The following GALNS variants were observed in gnomAD, a reference collection of about 807,000 sequenced individuals.
GALNS encodes the protein N-acetylgalactosamine-6-sulfatase.
In GALNS, 65 loss-of-function variants were observed where a neutral mutation model predicts 65.9. That is an observed-to-expected ratio of 0.99 (90% CI 0.81 to 1.21). The LOEUF (loss-of-function observed/expected upper bound fraction) is 1.21. GALNS is among the 50% of genes most tolerant of loss of function. The pLI, the probability that GALNS is intolerant of heterozygous loss-of-function variation, is 0.00. For missense variants in GALNS, 776 were observed against 700.7 expected (o/e 1.11, Z -1.21); for synonymous variants, 346 against 288.9 (o/e 1.20, Z -2.00).
Position 88,834,514 on chromosome 16 carries a change from G to C in GALNS, c.898+699C>G, listed in dbSNP as rs550194459. Among the ~76,000 whole-genome samples, 299 of 141,366 alleles carry C rather than the reference G, an allele frequency of 2.1e-3. 7 individuals carry two copies. Among genetic ancestry groups the C allele is most frequent in the African/African-American group, 7.1e-3 (271 of 38,088 alleles). 92.7% of individuals were successfully genotyped at this position (141,366 alleles called of 152,430 possible). A position where few individuals can be genotyped will look rare whatever the true frequency, so the allele number is the denominator to read the frequency against. On this transcript the variant is annotated intron_variant, in intron 8 of 13. Transcript: ENST00000268695. The stretch of plus-strand genomic sequence containing the variant: ...CAGGGCCCCCCTCAGCGTGGTCTGG[G>C]AAGAGGCTGTAGGGCTCTCCCCACC...
At chr16:88,820,159 T>A (rs1910056397) in intron 12 of GALNS, among the ~76,000 whole-genome samples, 1 of 148,904 alleles carries the variant, frequency 6.7e-6, no homozygotes. Context: ...GACGGAGTCT[T>A]GCTCTGTCAC....
intron 13 of GALNS, among the ~76,000 whole-genome samples, chr16:88,817,763 G>A (rs1017810352): frequency 2.0e-5 from 3 of 152,228 alleles, no homozygotes; most frequent in Non-Finnish European, 2.9e-5. Flanking sequence ...CAGAGGCCCG[G>A]GTGGCCGGCT....
At chr16:88,818,273 C>A in intron 12 of GALNS, 149 bp from the exon 13 acceptor site, 2 of 714,560 alleles carry the variant, frequency 2.8e-6, no homozygotes, top group South Asian at 1.5e-5. Flanking sequence ...CCTGCAGCGG[C>A]CCCGGGCCTC....
chr16:88,853,415 GCAGGC>G (rs954290542), intron 1 of GALNS, among the ~76,000 whole-genome samples: 1 of 152,170 alleles, frequency 6.6e-6, no homozygotes, highest in African/African-American at 2.4e-5. Context: ...ATGAAGACGA[GCAGGC>G]CAGTGCTTGT....
intron 1 of GALNS, among the ~76,000 whole-genome samples, chr16:88,850,145 G>A (rs77970823): frequency 0.011 from 1,673 of 152,364 alleles, 29 homozygotes; most frequent in African/African-American, 0.038. Context: ...AGAATGGCAG[G>A]TGGGCCGGGG....
chr16:88,830,697 G>A (rs1457400155), intron 9 of GALNS, among the ~76,000 whole-genome samples: 1 of 152,238 alleles, frequency 6.6e-6, no homozygotes, highest in South Asian at 2.1e-4. Context: ...TGGGCCAGAG[G>A]AGATGCAGTG....
rs747440302 is a variant in GALNS at position 88,832,113 on chromosome 16, G to T, written c.899-12C>A. The T allele has an allele frequency of 6.2e-7, 1 of 1,611,410 alleles. No individual in the cohort carries two copies. Among genetic ancestry groups the T allele is most frequent in the South Asian group, 1.1e-5 (1 of 90,872 alleles). On this transcript the variant is annotated splice_polypyrimidine_tract_variant and intron_variant, in intron 8 of 13. Transcript: ENST00000268695. ...GCCGTTGCTGCCACCTGGGAGAGAG[G>T]GGCCCTTGTCAGGCCACTGGGACCA... is the stretch of plus-strand genomic sequence containing the variant.
At chr16:88,827,649 TTGG>T (rs1911072012) in intron 9 of GALNS, among the ~76,000 whole-genome samples, 1 of 152,148 alleles carries the variant, frequency 6.6e-6, no homozygotes, top group African/African-American at 2.4e-5. Context: ...TTTCTCCATG[TTGG>T]TCAGGCTGGT....
chr16:88,814,164 C>T lies in GALNS; in HGVS notation c.*275G>A. 1.8e-6 allele frequency: 1 copy of T among 547,476 alleles called. No individual in the cohort carries two copies. The highest frequency in any genetic ancestry group is 3.3e-6 in the Non-Finnish European group (1 of 302,898). The allele number at this position is 547,476 out of a possible 1,614,324, so 33.9% of individuals were successfully genotyped here. On this transcript the variant is annotated 3_prime_UTR_variant, in exon 14 of 14. Coordinates refer to ENST00000268695, the MANE Select transcript of GALNS (RefSeq NM_000512.5). ...AGACTGGTCTCAGATATTTGGGGTTCACAAAGGCGTGAGACGGCAGGGTCC... is the reference window on the plus strand; with the variant it reads ...AGACTGGTCTCAGATATTTGGGGTTTACAAAGGCGTGAGACGGCAGGGTCC...
intron 13 of GALNS, chr16:88,815,484 C>T: frequency 1.0e-6 from 1 of 985,488 alleles, no homozygotes; most frequent in Non-Finnish European, 1.2e-6. Context: ...GTGTGGACCT[C>T]ACAGTGCAGC....
chr16:88,814,385 G>A lies in GALNS; in HGVS notation c.*54C>T. On this transcript the variant is annotated 3_prime_UTR_variant, in exon 14 of 14. Transcript: ENST00000268695. Reference sequence around the variant, plus strand: ...CGAGGCCAGAGCCATCCTTCCTCCAGGCACTTGCAGGGCCAACCGGAGATT... The same window carrying A: ...CGAGGCCAGAGCCATCCTTCCTCCAAGCACTTGCAGGGCCAACCGGAGATT... The A allele has an allele frequency of 1.3e-6, 2 of 1,549,032 alleles. No homozygotes were observed. Among genetic ancestry groups the A allele is most frequent in the Non-Finnish European group, 1.7e-6 (2 of 1,146,690 alleles).
intron 3 of GALNS, 28 bp from the exon 4 acceptor site, chr16:88,841,122 G>A (rs375705744): frequency 1.8e-5 from 28 of 1,580,832 alleles, no homozygotes; most frequent in South Asian, 6.6e-5. Flanking sequence ...GGTGAGCCCC[G>A]AGGAGACCCC....
intron 13 of GALNS, chr16:88,815,758 C>T: frequency 1.0e-6 from 1 of 985,438 alleles, no homozygotes; most frequent in Non-Finnish European, 1.2e-6. Context: ...CATGAGTGTC[C>T]CTGCCCCCTT....
intron 4 of GALNS, among the ~76,000 whole-genome samples, chr16:88,839,781 T>C (rs1442623268): frequency 6.6e-6 from 1 of 152,216 alleles, no homozygotes; most frequent in Admixed American, 6.5e-5. Flanking sequence ...CGTCGACAGC[T>C]GTTCAGGAGC....
intron 9 of GALNS, chr16:88,827,214 T>G: frequency 3.6e-6 from 1 of 277,148 alleles, no homozygotes; most frequent in Non-Finnish European, 7.1e-6. Context: ...GCCCCTTAAG[T>G]CAGAGGAGCA....
intron 8 of GALNS, among the ~76,000 whole-genome samples, chr16:88,833,609 G>A (rs1387499323): frequency 2.0e-5 from 3 of 152,024 alleles, no homozygotes; most frequent in Non-Finnish European, 4.4e-5. Flanking sequence ...CCGCCACCAC[G>A]CCTGGCTAAT....
chr16:88,832,975 G>A (rs1911666172), intron 8 of GALNS, among the ~76,000 whole-genome samples: 1 of 151,448 alleles, frequency 6.6e-6, no homozygotes, highest in South Asian at 2.1e-4. Flanking sequence ...CTACTCAGGA[G>A]GCTGAGGTGG....
intron 1 of GALNS, chr16:88,855,414 G>A (rs1329372083): frequency 2.8e-6 from 2 of 702,692 alleles, no homozygotes; most frequent in Middle Eastern, 2.3e-4. Context: ...AAATTCTGAA[G>A]CAAAGTATCT....
chr16:88,828,845 C>T (rs1353161943), intron 9 of GALNS, among the ~76,000 whole-genome samples: 1 of 152,176 alleles, frequency 6.6e-6, no homozygotes, highest in African/African-American at 2.4e-5. Flanking sequence ...CTGAGCACAG[C>T]CACGGGTGGC....
Sources: gnomAD v4.1 joint callset for allele counts (sites outside exome capture counted in the v4.1 genomes callset) on GRCh38, gnomAD v4.1.1 for gene constraint, MANE v1.5 for transcripts, NCBI Gene and HGNC (gene_info 2026-07-23, HGNC 2026-07-21) for gene names.